The following FRMPD4 variants were observed in gnomAD, a reference collection of about 807,000 sequenced individuals.
The protein encoded by FRMPD4 is FERM and PDZ domain containing 4.
Under a neutral mutation model 94.1 loss-of-function variants are expected in FRMPD4, and 22 were observed. The ratio of observed to expected loss-of-function variants is 0.23; its 90% CI spans 0.17 to 0.33. The LOEUF (loss-of-function observed/expected upper bound fraction) is 0.33, where lower values mean the gene tolerates loss of function less well. Among genes scored for constraint, FRMPD4 ranks in the 10% least tolerant of loss-of-function variants. The pLI is 1.00. For missense variants in FRMPD4, 1,111 were observed against 1,339.9 expected (o/e 0.83, Z 2.67); for synonymous variants, 631 against 548.6 (o/e 1.15, Z -2.10).
At chrX:12,352,414 A>T (rs1039032144) in intron 1 of FRMPD4, among the ~76,000 whole-genome samples, 2 of 112,316 alleles carry the variant, frequency 1.8e-5, no homozygotes, top group African/African-American at 6.5e-5. Flanking sequence ...ATTCAATCCA[A>T]TGTGAACATC....
upstream of FRMPD4, among the ~76,000 whole-genome samples, chrX:12,133,866 G>A (rs1190236117): frequency 1.8e-5 from 2 of 111,795 alleles, no homozygotes; most frequent in African/African-American, 3.3e-5. Context: ...CCACTTCCAT[G>A]CTAAAAATCC....
At position 12,553,684 on chromosome X, in the gene FRMPD4, T is replaced by C. The variant is rs1273340073; in HGVS notation, c.158+54888T>C. Among the ~76,000 whole-genome samples, 3 of 107,589 alleles carry C rather than the reference T, an allele frequency of 2.8e-5. No individual in the cohort carries two copies. The East Asian group carries it at 8.7e-4, about 31-fold the overall frequency. The allele number at this position is 107,589 out of a possible 115,157, so 93.4% of individuals were successfully genotyped here. A position where few individuals can be genotyped will look rare whatever the true frequency, so the allele number is the denominator to read the frequency against. ...AACACCAGCTCTGTGAAAGCTGGAGTCTTTGTGGGGTCTGTGGTTTTGCCC... is the reference window on the plus strand; with the variant it reads ...AACACCAGCTCTGTGAAAGCTGGAGCCTTTGTGGGGTCTGTGGTTTTGCCC... On this transcript the variant is annotated intron_variant, in intron 2 of 16. Coordinates refer to ENST00000675598, the MANE Select transcript of FRMPD4 (RefSeq NM_001368397.1).
At chrX:12,093,984 C>G (rs1434524688) in intron 3 of FRMPD4, among the ~76,000 whole-genome samples, 3 of 111,249 alleles carry the variant, frequency 2.7e-5, no homozygotes, top group African/African-American at 9.8e-5. Context: ...ATTTCTGTGA[C>G]AGAATTATAG....
Position 12,723,192 on chromosome X carries a change from C to A in FRMPD4, c.*1334C>A, listed in dbSNP as rs1423445397. The A allele has an allele frequency of 9.0e-6, 1 of 111,123 alleles. No individual in the cohort carries two copies. 9.2% of individuals were successfully genotyped at this position (111,123 alleles called of 1,213,427 possible). On this transcript the variant is annotated 3_prime_UTR_variant, in exon 17 of 17. Transcript: ENST00000675598. ...AGTGAAACCAATGGAATGCAAAGAA[C>A]TTTCCAGGACTGTCACATCTCTAAA...
chrX:12,065,270 G>T (rs1286435923), intron 3 of FRMPD4, among the ~76,000 whole-genome samples: 1 of 112,124 alleles, frequency 8.9e-6, no homozygotes, highest in African/African-American at 3.2e-5. Context: ...TCCTGGCCAG[G>T]CTTAGGTGCT....
intron 2 of FRMPD4, among the ~76,000 whole-genome samples, chrX:12,565,782 G>A (rs968564736): frequency 1.8e-5 from 2 of 112,032 alleles, no homozygotes; most frequent in African/African-American, 3.2e-5. Context: ...TCTTAGTTGT[G>A]ACAAATGTAC....
At chrX:12,530,183 GT>G (rs143847109) in intron 2 of FRMPD4, among the ~76,000 whole-genome samples, 4,169 of 111,756 alleles carry the variant, frequency 0.037, 85 homozygotes, top group Non-Finnish European at 0.057. Flanking sequence ...AATCAAGTAA[GT>G]AGAAACAGCT....
chrX:12,338,047 G>C (rs940191362), intron 1 of FRMPD4, among the ~76,000 whole-genome samples: 2 of 112,227 alleles, frequency 1.8e-5, no homozygotes, highest in South Asian at 3.7e-4. Context: ...TGGTGGAATG[G>C]GGGGAACACT....
intron 2 of FRMPD4, among the ~76,000 whole-genome samples, chrX:12,542,175 G>A (rs1569325309): frequency 8.9e-6 from 1 of 112,039 alleles, no homozygotes; most frequent in Non-Finnish European, 1.9e-5. Flanking sequence ...TTGAAAACTG[G>A]CACAAGACAA....
chrX:12,140,154 T>C (rs1402078595), intron 1 of FRMPD4, among the ~76,000 whole-genome samples: 1 of 112,144 alleles, frequency 8.9e-6, no homozygotes, highest in Non-Finnish European at 1.9e-5. Flanking sequence ...CATCTACAGG[T>C]CTTTGTTCTG....
chrX:12,480,333 G>GAAAAAAAAAAAAAAAAAAAAAGAAA (rs35074731), intron 1 of FRMPD4, among the ~76,000 whole-genome samples: 1 of 54,662 alleles, frequency 1.8e-5, no homozygotes, highest in Non-Finnish European at 3.1e-5. Context: ...GAAAAGAAAT[G>GAAAAAAAAAAAAAAAAAAAAAGAAA]AAAAAAAAAA....
At chrX:12,149,166 A>G (rs1226743109) in intron 1 of FRMPD4, 2 of 112,087 alleles carry the variant, frequency 1.8e-5, no homozygotes, top group Admixed American at 1.9e-4. Flanking sequence ...TTGATTGTTC[A>G]CAGTCAGTTA....
intron 2 of FRMPD4, among the ~76,000 whole-genome samples, chrX:11,871,035 C>T (rs1162389594): frequency 8.9e-6 from 1 of 112,647 alleles, no homozygotes; most frequent in Non-Finnish European, 1.9e-5. Context: ...GTGCTGCAAG[C>T]ACCTATGGCT....
intron 2 of FRMPD4, among the ~76,000 whole-genome samples, chrX:12,527,338 T>C (rs2058234854): frequency 9.0e-6 from 1 of 111,700 alleles, no homozygotes; most frequent in African/African-American, 3.3e-5. Flanking sequence ...TTGCTTGGTA[T>C]TTAGCCTCAT....
intron 4 of FRMPD4, among the ~76,000 whole-genome samples, chrX:12,636,467 A>G (rs1186046544): frequency 9.2e-6 from 1 of 108,884 alleles, no homozygotes; most frequent in Non-Finnish European, 1.9e-5. Context: ...GGTGTACGGT[A>G]TCTGGTTGTT....
intron 11 of FRMPD4, among the ~76,000 whole-genome samples, chrX:12,704,995 G>A (rs926432461): frequency 5.4e-5 from 6 of 111,285 alleles, no homozygotes; most frequent in African/African-American, 1.6e-4. Context: ...GATGTTTAGC[G>A]GCACCCCTGG....
At chrX:12,025,860 A>C (rs2054657865) in intron 3 of FRMPD4, among the ~76,000 whole-genome samples, 1 of 111,626 alleles carries the variant, frequency 9.0e-6, no homozygotes, top group Non-Finnish European at 1.9e-5. Context: ...CCTCAATTGC[A>C]CTCTTGTGAG....
At chrX:11,844,430 G>T (rs1263975906) in intron 1 of FRMPD4, among the ~76,000 whole-genome samples, 1 of 110,667 alleles carries the variant, frequency 9.0e-6, no homozygotes, top group Non-Finnish European at 1.9e-5. Flanking sequence ...GGATATATCA[G>T]TCCACTTTGG....
chrX:12,228,997 A>T (rs1461966143), intron 1 of FRMPD4, among the ~76,000 whole-genome samples: 1 of 112,281 alleles, frequency 8.9e-6, no homozygotes, highest in Non-Finnish European at 1.9e-5. Flanking sequence ...AAGATAAATT[A>T]GTTTTTTATC....
Sources: allele counts gnomAD v4.1 joint callset (sites outside exome capture counted in the v4.1 genomes callset), GRCh38; gene constraint gnomAD v4.1.1; transcripts MANE v1.5; gene names NCBI Gene and HGNC (gene_info 2026-07-23, HGNC 2026-07-21).